ANKRD29: variants seen among roughly 807,000 people sequenced by gnomAD.
ANKRD29 encodes ankyrin repeat domain 29, also known as ankyrin repeat domain-containing protein 29.
A neutral mutation model predicts 38.0 loss-of-function variants in ANKRD29; 32 were observed. That is an observed-to-expected ratio of 0.84 (90% confidence interval 0.64 to 1.13). The LOEUF is 1.13. ANKRD29 is among the 50% of genes most tolerant of loss of function. The pLI is 0.00. For missense variants in ANKRD29, 357 were observed against 377.9 expected (o/e 0.94, Z 0.46); for synonymous variants, 135 against 152.4 (o/e 0.89, Z 0.84).
chr18:23,635,175 C>G (rs560076123), intron 4 of ANKRD29, among the ~76,000 whole-genome samples: 2 of 151,608 alleles, frequency 1.3e-5, no homozygotes, highest in African/African-American at 4.8e-5. Flanking sequence ...AGGCTGGGGT[C>G]GGAAGATCAA....
chr18:23,648,909 C>T (rs1359018697), intron 2 of ANKRD29, 174 bp downstream of exon 2: 5 of 530,626 alleles, frequency 9.4e-6, no homozygotes, highest in Admixed American at 3.9e-5. Context: ...TTCTGACTTC[C>T]CCCAGCATGT....
At chr18:23,651,920 G>C (rs1249008640) in intron 1 of ANKRD29, among the ~76,000 whole-genome samples, 2 of 152,164 alleles carry the variant, frequency 1.3e-5, no homozygotes, top group African/African-American at 2.4e-5. Context: ...CCACAGCCTT[G>C]GTCTGTGATT....
At chr18:23,610,607 C>G (rs2059629414) in intron 9 of ANKRD29, among the ~76,000 whole-genome samples, 1 of 151,484 alleles carries the variant, frequency 6.6e-6, no homozygotes, top group Non-Finnish European at 1.5e-5. Flanking sequence ...CCAGCCTGGG[C>G]AACACAGCAA....
intron 1 of ANKRD29, among the ~76,000 whole-genome samples, chr18:23,650,341 G>C (rs891535059): frequency 6.6e-6 from 1 of 151,738 alleles, no homozygotes; most frequent in Non-Finnish European, 1.5e-5. Flanking sequence ...AGAGGTTCTC[G>C]CTGTGTGGCC....
chr18:23,635,758 G>T (rs907668324), intron 4 of ANKRD29, among the ~76,000 whole-genome samples: 3 of 152,238 alleles, frequency 2.0e-5, no homozygotes, highest in African/African-American at 7.2e-5. Flanking sequence ...TGGGTTGATT[G>T]TGTAGGCAGG....
intron 7 of ANKRD29, chr18:23,619,269 C>T: frequency 2.2e-6 from 1 of 451,218 alleles, no homozygotes; most frequent in Non-Finnish European, 3.9e-6. Context: ...CGGGAGGCCC[C>T]CAGGACAGGC....
chr18:23,604,276 G>A (rs1012420790), intron 9 of ANKRD29, among the ~76,000 whole-genome samples: 3 of 152,170 alleles, frequency 2.0e-5, no homozygotes, highest in East Asian at 1.9e-4. Flanking sequence ...AGGCAGTCAC[G>A]TAGTGTTCTT....
intron 3 of ANKRD29, among the ~76,000 whole-genome samples, chr18:23,639,268 G>C (rs1160395635): frequency 1.3e-5 from 2 of 152,016 alleles, no homozygotes; most frequent in African/African-American, 4.8e-5. Context: ...ATCTGGGTGG[G>C]CCCTAAATCT....
chr18:23,651,500 A>G (rs1020272263), intron 1 of ANKRD29, among the ~76,000 whole-genome samples: 20 of 152,262 alleles, frequency 1.3e-4, no homozygotes, highest in African/African-American at 4.6e-4. Context: ...CACAAGGCCA[A>G]AATGAAGTCT....
Position 23,629,966 on chromosome 18 carries a change from A to G in ANKRD29, c.430-15T>C. Reference sequence around the variant, plus strand: ...GTGGCTCCATCCTGAGAGAGAACAAATTAAAAGCATTAAAAACATTATCTT... The same window carrying G: ...GTGGCTCCATCCTGAGAGAGAACAAGTTAAAAGCATTAAAAACATTATCTT... On this transcript the variant is annotated splice_polypyrimidine_tract_variant and intron_variant, in intron 5 of 9. Transcript: ENST00000592179. 6.3e-7 allele frequency: 1 copy of G among 1,590,750 alleles called. No homozygotes were observed. The highest frequency in any genetic ancestry group is 1.1e-5 in the South Asian group (1 of 89,808).
chr18:23,649,082 C>G lies in ANKRD29; in HGVS notation c.132+1G>C. ...GGCATGCATCTACCGAACCACCGTA[C>G]GCTGTCTCTGCAGTCCACGTCCACC... On this transcript the variant is annotated splice_donor_variant, in intron 2 of 9. Transcript: ENST00000592179. LOFTEE classifies it high-confidence loss of function. 1 of 1,613,712 alleles carries G rather than the reference C, an allele frequency of 6.2e-7. No individual in the cohort carries two copies. The highest frequency in any genetic ancestry group is 1.1e-5 in the South Asian group (1 of 90,970).
intron 9 of ANKRD29, among the ~76,000 whole-genome samples, chr18:23,602,496 G>A (rs1425396038): frequency 6.6e-6 from 1 of 152,202 alleles, no homozygotes; most frequent in African/African-American, 2.4e-5. Flanking sequence ...TAGGCATCTA[G>A]TGAACCAGTC....
chr18:23,644,624 G>C (rs2060116304), intron 3 of ANKRD29, among the ~76,000 whole-genome samples: 1 of 152,192 alleles, frequency 6.6e-6, no homozygotes, highest in Non-Finnish European at 1.5e-5. Flanking sequence ...CAGAGACCCA[G>C]TCCCAGATTC....
chr18:23,630,382 C>T (rs188884783), intron 5 of ANKRD29, among the ~76,000 whole-genome samples: 28 of 152,190 alleles, frequency 1.8e-4, no homozygotes, highest in African/African-American at 6.0e-4. Flanking sequence ...GCTGAGATCG[C>T]GCCACTTCAT....
Position 23,652,375 on chromosome 18 carries a change from G to A in ANKRD29, c.22-3182C>T, listed in dbSNP as rs376222948. Among the ~76,000 whole-genome samples the A allele has an allele frequency of 9.9e-5, 15 of 152,264 alleles. No individual in the cohort carries two copies. The East Asian group carries it at 2.1e-3, about 22-fold the overall frequency. On this transcript the variant is annotated intron_variant, in intron 1 of 9. Transcript: ENST00000592179. ...CAGCAACAGGCAGTCTCTTGCTTGAGGCTGCCCTTTAACTCCCCATCACAC... is the reference window on the plus strand; with the variant it reads ...CAGCAACAGGCAGTCTCTTGCTTGAAGCTGCCCTTTAACTCCCCATCACAC...
intron 6 of ANKRD29, among the ~76,000 whole-genome samples, chr18:23,624,559 T>C (rs879117591): frequency 6.6e-6 from 1 of 150,640 alleles, no homozygotes; most frequent in Admixed American, 6.7e-5. Flanking sequence ...ATAGCTGTCT[T>C]TTACTATGTG....
intron 1 of ANKRD29, among the ~76,000 whole-genome samples, chr18:23,656,044 G>A (rs1180893426): frequency 7.0e-6 from 1 of 143,806 alleles, no homozygotes; most frequent in Non-Finnish European, 1.5e-5. Context: ...AGTGAGCCGA[G>A]ATCCCGCCAC....
At chr18:23,615,460 C>A (rs1057437076) in intron 8 of ANKRD29, among the ~76,000 whole-genome samples, 1 of 151,986 alleles carries the variant, frequency 6.6e-6, no homozygotes, top group Non-Finnish European at 1.5e-5. Flanking sequence ...TTCTCTGTCA[C>A]CTAGGCTGCA....
At chr18:23,651,692 C>G (rs2060212974) in intron 1 of ANKRD29, among the ~76,000 whole-genome samples, 1 of 152,204 alleles carries the variant, frequency 6.6e-6, no homozygotes. Flanking sequence ...ATTGTCATAA[C>G]AAGATCTCTA....
Sources: allele counts gnomAD v4.1 joint callset (sites outside exome capture counted in the v4.1 genomes callset), GRCh38; gene constraint gnomAD v4.1.1; transcripts MANE v1.5; gene names NCBI Gene and HGNC (gene_info 2026-07-23, HGNC 2026-07-21).